The following KIT variants were observed in gnomAD, a reference collection of about 807,000 sequenced individuals.
The protein encoded by KIT is KIT proto-oncogene, receptor tyrosine kinase.
In KIT, 16 loss-of-function variants were observed where a neutral mutation model predicts 105.7. That is an observed-to-expected ratio of 0.15 (90% CI 0.10 to 0.23). The LOEUF (loss-of-function observed/expected upper bound fraction) is 0.23. Among genes scored for constraint, KIT ranks in the 10% least tolerant of loss-of-function variants. The pLI is 1.00. For missense variants in KIT, 858 were observed against 1,213.8 expected (o/e 0.71, Z 4.36); for synonymous variants, 438 against 441.1 (o/e 0.99, Z 0.09).
chr4:54,727,165 T>A, intron 9 of KIT, 53 bp from the exon 10 acceptor site: 2 of 1,489,908 alleles, frequency 1.3e-6, no homozygotes, highest in Non-Finnish European at 1.9e-6. Context: ...GTGGCTGTGG[T>A]AGAGATCCCA....
At chr4:54,738,342 G>C (rs2109817098) in intron 20 of KIT, 87 bp from the exon 21 acceptor site, 1 of 1,498,438 alleles carries the variant, frequency 6.7e-7, no homozygotes, top group Non-Finnish European at 9.3e-7. Context: ...CCATCAGTTA[G>C]TTGTGATCTT....
At chr4:54,720,779 A>G (rs1388888117) in intron 7 of KIT, among the ~76,000 whole-genome samples, 2 of 152,186 alleles carry the variant, frequency 1.3e-5, no homozygotes, top group Non-Finnish European at 2.9e-5. Flanking sequence ...GAGTACATCT[A>G]TGTTGTGAAC....
intron 1 of KIT, among the ~76,000 whole-genome samples, chr4:54,695,180 G>A (rs910895673): frequency 6.6e-6 from 1 of 152,172 alleles, no homozygotes; most frequent in African/African-American, 2.4e-5. Flanking sequence ...TAAGCTGGGT[G>A]TCTGCATGTC....
At chr4:54,697,747 T>C (rs1406459404) in intron 2 of KIT, among the ~76,000 whole-genome samples, 1 of 152,190 alleles carries the variant, frequency 6.6e-6, no homozygotes, top group Non-Finnish European at 1.5e-5. Context: ...TGGATTCTCT[T>C]TAGAAGCCGA....
chr4:54,722,865 G>T (rs982244902), intron 7 of KIT, among the ~76,000 whole-genome samples: 4 of 100,462 alleles, frequency 4.0e-5, no homozygotes, highest in Non-Finnish European at 5.6e-5. Context: ...TTATATATAT[G>T]TATATATATT....
intron 7 of KIT, among the ~76,000 whole-genome samples, chr4:54,710,613 G>GA (rs1721090303): frequency 7.8e-6 from 1 of 128,844 alleles, no homozygotes; most frequent in African/African-American, 2.9e-5. Flanking sequence ...GTGACATCTC[G>GA]ATTCACTGCA....
intron 13 of KIT, 153 bp from the exon 14 acceptor site, chr4:54,729,182 C>T: frequency 2.7e-6 from 2 of 732,204 alleles, no homozygotes; most frequent in Non-Finnish European, 4.6e-6. Context: ...TTTTGATAAG[C>T]AGTGTTAATA....
intron 17 of KIT, among the ~76,000 whole-genome samples, chr4:54,733,682 T>G (rs1722741640): frequency 6.6e-6 from 1 of 152,170 alleles, no homozygotes. Context: ...AGCAAATGTT[T>G]TTCAAAGTGC....
chr4:54,717,447 G>A (rs1012081260), intron 7 of KIT, among the ~76,000 whole-genome samples: 3 of 152,110 alleles, frequency 2.0e-5, no homozygotes, highest in East Asian at 1.9e-4. Flanking sequence ...GGTTGCCCCC[G>A]TTTGTGTGGT....
At chr4:54,666,015 G>GT (rs1717660764) in intron 1 of KIT, among the ~76,000 whole-genome samples, 1 of 152,154 alleles carries the variant, frequency 6.6e-6, no homozygotes, top group Admixed American at 6.5e-5. Flanking sequence ...TTTAAGGTAT[G>GT]TTTTTTGTTT....
At position 54,731,274 on chromosome 4, in the gene KIT, T is replaced by C. The variant is rs1348859660; in HGVS notation, c.2142-54T>C. The C allele has an allele frequency of 5.0e-6, 6 of 1,191,234 alleles. No homozygotes were observed. The African/African-American group carries it at 9.0e-5, about 18-fold the overall frequency. 73.8% of individuals were successfully genotyped at this position (1,191,234 alleles called of 1,614,324 possible). ...GAGGAGGTAGAGCATGACCCATGAG[T>C]GCCCTTCTACATGTCCCACTTGATT... On this transcript the variant is annotated intron_variant, in intron 14 of 20. Transcript: ENST00000288135.
intron 7 of KIT, among the ~76,000 whole-genome samples, chr4:54,721,973 AAAT>A (rs971541415): frequency 3.3e-4 from 51 of 152,282 alleles, no homozygotes; most frequent in African/African-American, 1.2e-3. Context: ...TCTGATTATA[AAAT>A]AATAACTCAG....
intron 8 of KIT, among the ~76,000 whole-genome samples, chr4:54,724,814 T>C (rs1449150757): frequency 6.6e-6 from 1 of 151,958 alleles, no homozygotes. Flanking sequence ...TGAATTTGTG[T>C]TGGGTCGCAT....
chr4:54,671,832 C>T (rs937028780), intron 1 of KIT, among the ~76,000 whole-genome samples: 52 of 152,082 alleles, frequency 3.4e-4, no homozygotes, highest in African/African-American at 1.2e-3. Flanking sequence ...CTCATATAAC[C>T]ATCTAGCTTC....
At chr4:54,730,676 C>G (rs920595332) in intron 14 of KIT, among the ~76,000 whole-genome samples, 5 of 152,026 alleles carry the variant, frequency 3.3e-5, no homozygotes, top group Non-Finnish European at 7.4e-5. Context: ...GTGTGATGTT[C>G]TTTGTGCTTT....
Position 54,727,914 on chromosome 4 carries a change from A to G in KIT, c.1866A>G (p.Val622=), listed in dbSNP as rs1287132024. Residue 622 remains valine (V), a synonymous_variant, in exon 12 of 21, where the codon GTA becomes GTG. Transcript: ENST00000288135. The part of the protein sequence containing the change: ...IKSDAAMTVA[V]KMLKPSAHLT... ...CAGATGCGGCCATGACTGTCGCTGTAAAGATGCTCAAGCGTAAGTTCCTGT... is the reference window on the plus strand; with the variant it reads ...CAGATGCGGCCATGACTGTCGCTGTGAAGATGCTCAAGCGTAAGTTCCTGT... 3.1e-6 allele frequency: 5 copies of G among 1,614,088 alleles called. No individual in the cohort carries two copies. The highest frequency in any genetic ancestry group is 4.2e-6 in the Non-Finnish European group (5 of 1,179,960).
intron 7 of KIT, among the ~76,000 whole-genome samples, chr4:54,718,736 A>G (rs1721658181): frequency 6.6e-6 from 1 of 152,176 alleles, no homozygotes; most frequent in African/African-American, 2.4e-5. Flanking sequence ...GTCACTGTTA[A>G]AATAAATAGG....
chr4:54,687,292 G>A (rs1719372215), intron 1 of KIT, among the ~76,000 whole-genome samples: 1 of 152,140 alleles, frequency 6.6e-6, no homozygotes, highest in Non-Finnish European at 1.5e-5. Context: ...GCAGAAATTA[G>A]CCGGGTATGG....
At chr4:54,724,936 G>A (rs1560415381) in intron 8 of KIT, among the ~76,000 whole-genome samples, 1 of 152,164 alleles carries the variant, frequency 6.6e-6, no homozygotes, top group Non-Finnish European at 1.5e-5. Flanking sequence ...GTTAAGAAAG[G>A]AAACAGGGAA....
Sources: gnomAD v4.1 joint callset for allele counts (sites outside exome capture counted in the v4.1 genomes callset) on GRCh38, gnomAD v4.1.1 for gene constraint, MANE v1.5 for transcripts, NCBI Gene and HGNC (gene_info 2026-07-23, HGNC 2026-07-21) for gene names.